Variants in JMY observed in about 807,000 individuals in gnomAD.
JMY encodes the protein junction mediating and regulatory protein, p53 cofactor.
Under a neutral mutation model 103.3 loss-of-function variants are expected in JMY, and 46 were observed. The observed-to-expected ratio is 0.45, with a 90% CI of 0.35 to 0.57. The LOEUF (loss-of-function observed/expected upper bound fraction) is 0.57, where lower values mean the gene tolerates loss of function less well. Among genes scored for constraint, JMY ranks in the 20% least tolerant of loss-of-function variants. The pLI is 0.00. For synonymous variants in JMY, 526 were observed against 489.3 expected, an observed-to-expected ratio of 1.07 and a Z score of -0.99; for missense variants, 1,238 against 1,255.2, an observed-to-expected ratio of 0.99 and a Z score of 0.21.
At chr5:79,303,263 G>C (rs1746790238) in intron 6 of JMY, among the ~76,000 whole-genome samples, 1 of 151,990 alleles carries the variant, frequency 6.6e-6, no homozygotes, top group Admixed American at 6.6e-5. Flanking sequence ...AGAGACAGGG[G>C]CTCACTATGT....
At chr5:79,270,235 G>C (rs1446025220) in intron 1 of JMY, among the ~76,000 whole-genome samples, 1 of 149,770 alleles carries the variant, frequency 6.7e-6, no homozygotes, top group Non-Finnish European at 1.5e-5. Flanking sequence ...TCATCATAGT[G>C]GGAACACCAT....
In JMY at chr5:79,237,554, T is replaced by C; in HGVS notation, c.904T>C (p.Trp302Arg). Residue 302 changes from tryptophan (W) to arginine (R), a missense_variant, in exon 1 of 11, where the codon TGG (tryptophan) becomes CGG (arginine). Transcript: ENST00000396137. Reference sequence around the variant, plus strand: ...GGGCCACGGCCTGGACACCTGCGGCTGGAAGATCCTCTCCCAGGTGCTCTT... The same window carrying C: ...GGGCCACGGCCTGGACACCTGCGGCCGGAAGATCCTCTCCCAGGTGCTCTT... ...YLGHGLDTCG[W>R]KILSQVLFTE... The C allele has an allele frequency of 6.2e-7, 1 of 1,613,640 alleles. No homozygotes were observed. Among genetic ancestry groups the C allele is most frequent in the Non-Finnish European group, 8.5e-7 (1 of 1,180,004 alleles).
chr5:79,309,455 A>G (rs959091811), intron 7 of JMY, among the ~76,000 whole-genome samples: 1 of 152,202 alleles, frequency 6.6e-6, no homozygotes, highest in Non-Finnish European at 1.5e-5. Context: ...CATCCCACAC[A>G]ATATATATTA....
chr5:79,310,391 A>G (rs113992297), intron 7 of JMY, among the ~76,000 whole-genome samples: 61 of 152,274 alleles, frequency 4.0e-4, no homozygotes, highest in African/African-American at 4.6e-4. Context: ...AATCCCAAAG[A>G]TAAATGTCAT....
At chr5:79,291,863 A>G (rs911152067) in intron 4 of JMY, among the ~76,000 whole-genome samples, 1 of 152,192 alleles carries the variant, frequency 6.6e-6, no homozygotes, top group Non-Finnish European at 1.5e-5. Flanking sequence ...CACTGAGTAC[A>G]TATTTATTAA....
chr5:79,264,627 A>G (rs1365036607), intron 1 of JMY, among the ~76,000 whole-genome samples: 2 of 152,182 alleles, frequency 1.3e-5, no homozygotes, highest in South Asian at 4.1e-4. Context: ...ATTAAGGCCA[A>G]CTTTGTTGAA....
chr5:79,268,710 G>T (rs181743604), intron 1 of JMY, among the ~76,000 whole-genome samples: 39 of 152,078 alleles, frequency 2.6e-4, no homozygotes, highest in African/African-American at 9.2e-4. Context: ...GGATGGTCTC[G>T]ATCTCTTGAC....
intron 1 of JMY, among the ~76,000 whole-genome samples, chr5:79,251,777 T>A (rs954106178): frequency 2.1e-4 from 32 of 151,958 alleles, no homozygotes; most frequent in African/African-American, 7.5e-4. Flanking sequence ...TTATTTTTAT[T>A]TATTTATTTA....
intron 10 of JMY, 131 bp downstream of exon 10, chr5:79,316,441 A>G (rs890733460): frequency 3.1e-6 from 2 of 636,590 alleles, no homozygotes; most frequent in Non-Finnish European, 5.4e-6. Context: ...CATGGATCAC[A>G]AATTTATGAA....
intron 7 of JMY, among the ~76,000 whole-genome samples, chr5:79,308,766 G>T (rs1016373883): frequency 6.6e-5 from 10 of 151,550 alleles, no homozygotes; most frequent in Non-Finnish European, 1.5e-4. Context: ...AGCCTCTACC[G>T]CCTTCTCCTA....
intron 6 of JMY, among the ~76,000 whole-genome samples, chr5:79,302,083 C>CA (rs33983370): frequency 0.57 from 58,063 of 102,444 alleles, 16,071 homozygotes; most frequent in Non-Finnish European, 0.66. Context: ...AACTCCGTCT[C>CA]AAAAAAAAAA....
chr5:79,264,164 C>A (rs540953842), intron 1 of JMY, among the ~76,000 whole-genome samples: 1 of 152,148 alleles, frequency 6.6e-6, no homozygotes, highest in South Asian at 2.1e-4. Flanking sequence ...TGGCTCACTG[C>A]AGCCTGGCCC....
chr5:79,244,043 C>G (rs1270211988), intron 1 of JMY, among the ~76,000 whole-genome samples: 2 of 151,456 alleles, frequency 1.3e-5, no homozygotes, highest in African/African-American at 4.9e-5. Context: ...CTCTGTCACC[C>G]AGGCTGGAGT....
At chr5:79,300,366 G>A in intron 5 of JMY, 48 bp downstream of exon 5, 1 of 1,442,912 alleles carries the variant, frequency 6.9e-7, no homozygotes, top group Non-Finnish European at 9.2e-7. Context: ...TTGAATACAT[G>A]AGAAAATACT....
At position 79,314,433 on chromosome 5, in the gene JMY, A is replaced by G. The variant is rs1333585847; in HGVS notation, c.2241A>G (p.Ser747=). The change falls in exon 9 of 11, where the codon TCA becomes TCG. Residue 747 remains serine (S), a synonymous_variant. Transcript: ENST00000396137. ...AAGGAAGAGTCAAGCGTGGGCCATC[A>G]CAGACAACAGAACCCCAGAGCCTTG... ...VGEGRVKRGP[S]QTTEPQSLVQ... is the part of the protein sequence containing the mutation. 1 of 1,614,190 alleles carries G rather than the reference A, an allele frequency of 6.2e-7. No individual in the cohort carries two copies. Among genetic ancestry groups the G allele is most frequent in the South Asian group, 1.1e-5 (1 of 91,072 alleles).
chr5:79,267,266 A>G (rs936329041), intron 1 of JMY, among the ~76,000 whole-genome samples: 3 of 152,138 alleles, frequency 2.0e-5, no homozygotes, highest in Admixed American at 6.5e-5. Flanking sequence ...TAGAGTTTCT[A>G]TGTTTTGACA....
In JMY at chr5:79,306,516, AGT is replaced by A. The variant is rs1746887136; in HGVS notation, c.1968+57_1968+58del. ...AACTTAATTTTTTTGCATGTTTTAG[AGT>A]GGATAAAATCTGTAGAGAATGATAA... On this transcript the variant is annotated intron_variant, in intron 7 of 10. Coordinates refer to ENST00000396137, the MANE Select transcript of JMY (RefSeq NM_152405.5). 7.6e-6 allele frequency: 9 copies of A among 1,185,236 alleles called. No homozygotes were observed. In the South Asian group the frequency reaches 1.1e-4, roughly 15 times the overall value. 73.4% of individuals were successfully genotyped at this position (1,185,236 alleles called of 1,614,324 possible).
intron 1 of JMY, among the ~76,000 whole-genome samples, chr5:79,246,957 T>G (rs949631947): frequency 2.0e-5 from 3 of 152,066 alleles, no homozygotes; most frequent in African/African-American, 7.2e-5. Flanking sequence ...ATCTAAACTT[T>G]GATTAATATT....
At chr5:79,287,863 A>G (rs758889801) in intron 2 of JMY, among the ~76,000 whole-genome samples, 5 of 152,238 alleles carry the variant, frequency 3.3e-5, no homozygotes, top group Non-Finnish European at 7.3e-5. Flanking sequence ...TTGTTAAATA[A>G]AGTGTAATCA....
Sources: gnomAD v4.1 joint callset for allele counts (sites outside exome capture counted in the v4.1 genomes callset) on GRCh38, gnomAD v4.1.1 for gene constraint, MANE v1.5 for transcripts, NCBI Gene and HGNC (gene_info 2026-07-23, HGNC 2026-07-21) for gene names.